CDH19: variants seen among roughly 807,000 people sequenced by gnomAD.
CDH19 encodes the protein cadherin-19.
Under a neutral mutation model 64.2 loss-of-function variants are expected in CDH19, and 67 were observed. The observed-to-expected ratio is 1.04, with a 90% confidence interval of 0.86 to 1.28. The LOEUF (loss-of-function observed/expected upper bound fraction) is 1.28, where lower values mean the gene tolerates loss of function less well. Ranked by LOEUF, CDH19 falls within the 50% of genes most tolerant of loss-of-function variation. The pLI is 0.00. For synonymous variants in CDH19, 346 were observed against 319.3 expected (o/e 1.08, Z -0.89); for missense variants, 1,030 against 929.0 (o/e 1.11, Z -1.41).
At chr18:66,593,890 A>G (rs1988811379) in intron 1 of CDH19, among the ~76,000 whole-genome samples, 1 of 152,162 alleles carries the variant, frequency 6.6e-6, no homozygotes, top group African/African-American at 2.4e-5. Context: ...TGAGAGAGGG[A>G]AAACAGAGAG....
intron 1 of CDH19, among the ~76,000 whole-genome samples, chr18:66,581,279 A>T (rs1449250408): frequency 6.6e-6 from 1 of 152,152 alleles, no homozygotes; most frequent in South Asian, 2.1e-4. Context: ...AACTAATTAT[A>T]ATCATATTTA....
At chr18:66,505,673 C>T (rs1985164680) in intron 11 of CDH19, among the ~76,000 whole-genome samples, 1 of 150,690 alleles carries the variant, frequency 6.6e-6, no homozygotes, top group South Asian at 2.1e-4. Flanking sequence ...TAGAATAAAA[C>T]TTTGCAACCT....
chr18:66,535,559 T>A (rs1009620228), intron 7 of CDH19, among the ~76,000 whole-genome samples: 3 of 149,026 alleles, frequency 2.0e-5, no homozygotes, highest in Non-Finnish European at 4.5e-5. Flanking sequence ...TTAATTCTTT[T>A]GGGAAACCTG....
chr18:66,505,568 TATA>T (rs1985157332), intron 11 of CDH19, among the ~76,000 whole-genome samples: 1 of 145,864 alleles, frequency 6.9e-6, no homozygotes, highest in Non-Finnish European at 1.5e-5. Flanking sequence ...TTAATATATA[TATA>T]ATATAATATA....
intron 1 of CDH19, among the ~76,000 whole-genome samples, chr18:66,590,283 G>A (rs1988704959): frequency 6.6e-6 from 1 of 151,794 alleles, no homozygotes; most frequent in African/African-American, 2.4e-5. Context: ...ACTCTGTGAT[G>A]ATTACTATGC....
In CDH19 at chr18:66,551,241, A is replaced by T; in HGVS notation, c.628T>A (p.Ser210Thr). 6.7e-7 allele frequency: 1 copy of T among 1,502,210 alleles called. No homozygotes were observed. Among genetic ancestry groups the T allele is most frequent in the Non-Finnish European group, 9.2e-7 (1 of 1,081,824 alleles). The allele number at this position is 1,502,210 out of a possible 1,614,324, so 93.1% of individuals were successfully genotyped here. A position where few individuals can be genotyped will look rare whatever the true frequency, so the allele number is the denominator to read the frequency against. The change falls in exon 5 of 12, where the codon TCT becomes ACT. Residue 210 changes from serine (S) to threonine (T), a missense_variant. By Grantham distance (58) the Ser-to-Thr change is moderately conservative. Transcript: ENST00000262150. ...EPTTGVIRIS[S>T]KMDRELQDEY... ...TCTTGCAGTTCTCTATCCATTTTAG[A>T]AGATATTCTTATGACTCCTTTAAAA...
intron 1 of CDH19, among the ~76,000 whole-genome samples, chr18:66,594,490 T>G (rs1287899781): frequency 6.6e-6 from 1 of 151,794 alleles, no homozygotes; most frequent in Non-Finnish European, 1.5e-5. Flanking sequence ...TGGCACATGC[T>G]CTAAAATCAA....
Position 66,590,395 on chromosome 18 carries a change from G to A in CDH19, c.-113+13559C>T, listed in dbSNP as rs184481792. On this transcript the variant is annotated intron_variant, in intron 1 of 11. Coordinates refer to ENST00000262150, the MANE Select transcript of CDH19 (RefSeq NM_021153.4). ...AAATGCAGATACTGAGCATATTGAAGTTAAGTAACTTGTCTTAGCCATAAA... is the reference window on the plus strand; with the variant it reads ...AAATGCAGATACTGAGCATATTGAAATTAAGTAACTTGTCTTAGCCATAAA... Among the ~76,000 whole-genome samples the A allele has an allele frequency of 9.2e-5, 14 of 151,926 alleles. No homozygotes were observed. The East Asian group carries it at 1.5e-3, about 17-fold the overall frequency.
intron 2 of CDH19, among the ~76,000 whole-genome samples, chr18:66,571,646 T>C (rs1246004262): frequency 6.6e-6 from 1 of 151,690 alleles, no homozygotes; most frequent in Non-Finnish European, 1.5e-5. Context: ...GAGGGGTAAA[T>C]CAACAGCTAC....
At chr18:66,575,372 T>A (rs1034040226) in intron 1 of CDH19, among the ~76,000 whole-genome samples, 1 of 151,792 alleles carries the variant, frequency 6.6e-6, no homozygotes, top group Non-Finnish European at 1.5e-5. Context: ...AGGCCACAGA[T>A]AAAGCCCTCT....
rs1322812417 is a variant in CDH19 at position 66,505,096 on chromosome 18, T to C, written c.2035A>G (p.Arg679Gly). Residue 679 changes from arginine (R) to glycine (G), a missense_variant, in exon 12 of 12, where the codon AGG (arginine) becomes GGG (glycine). Transcript: ENST00000262150. ...TGCAAAGACTGCCTGTATAGGCTCC[T>C]GATCTCAGCGCTTGTGGTTTTCCGA... The part of the protein sequence containing the change: ...KTRKTTSAEI[R>G]SLYRQSLQVG... The C allele has an allele frequency of 6.2e-7, 1 of 1,613,702 alleles. No homozygotes were observed. The highest frequency in any genetic ancestry group is 8.5e-7 in the Non-Finnish European group (1 of 1,179,766).
At chr18:66,600,539 C>T (rs574530762) in intron 1 of CDH19, among the ~76,000 whole-genome samples, 34 of 151,860 alleles carry the variant, frequency 2.2e-4, no homozygotes, top group African/African-American at 3.6e-4. Flanking sequence ...TACACACACA[C>T]GTACACAAAA....
rs1416631675 is a variant in CDH19 at position 66,506,644 on chromosome 18, G to T, written c.1829-1342C>A. ...AACAGAAAAAATTCAGAACACTTTT[G>T]CTTTAATTTTAAATAAAAATGTGTG... On this transcript the variant is annotated intron_variant, in intron 11 of 11. Coordinates refer to ENST00000262150, the MANE Select transcript of CDH19 (RefSeq NM_021153.4). Among the ~76,000 whole-genome samples, 3 of 151,486 alleles carry T rather than the reference G, an allele frequency of 2.0e-5. No homozygotes were observed. The East Asian group carries it at 5.8e-4, about 29-fold the overall frequency.
chr18:66,596,133 G>C (rs1988881976), intron 1 of CDH19: 1 of 151,708 alleles, frequency 6.6e-6, no homozygotes, highest in Non-Finnish European at 1.5e-5. Context: ...TAAAAACCCT[G>C]AAAAAAAGGC....
chr18:66,533,496 CAG>C (rs1416123887), intron 8 of CDH19, among the ~76,000 whole-genome samples: 16 of 152,038 alleles, frequency 1.1e-4, no homozygotes, highest in African/African-American at 3.9e-4. Flanking sequence ...AATAAACTGA[CAG>C]AAAATTAATA....
intron 8 of CDH19, among the ~76,000 whole-genome samples, chr18:66,530,533 A>C (rs1360663261): frequency 2.0e-5 from 3 of 152,046 alleles, no homozygotes; most frequent in Non-Finnish European, 4.4e-5. Flanking sequence ...TTATAATAAA[A>C]TCTAAATAAA....
chr18:66,556,606 T>C (rs979536694), intron 3 of CDH19, among the ~76,000 whole-genome samples: 1 of 151,910 alleles, frequency 6.6e-6, no homozygotes, highest in Non-Finnish European at 1.5e-5. Flanking sequence ...ATTTTCTTCT[T>C]TGATGAGACT....
At chr18:66,569,409 A>G (rs1333006050) in intron 2 of CDH19, among the ~76,000 whole-genome samples, 2 of 151,594 alleles carry the variant, frequency 1.3e-5, no homozygotes, top group African/African-American at 4.8e-5. Context: ...CCACGAGGCT[A>G]TCAAATCTTC....
chr18:66,570,566 G>A (rs566428269), intron 2 of CDH19, among the ~76,000 whole-genome samples: 101 of 151,654 alleles, frequency 6.7e-4, no homozygotes, highest in African/African-American at 2.2e-3. Context: ...TATCTTGAAC[G>A]CAGCAGCTAA....
Sources: gnomAD v4.1 joint callset for allele counts (sites outside exome capture counted in the v4.1 genomes callset) on GRCh38, gnomAD v4.1.1 for gene constraint, MANE v1.5 for transcripts, NCBI Gene and HGNC (gene_info 2026-07-23, HGNC 2026-07-21) for gene names.